The following ERC1 variants were observed in gnomAD, a reference collection of about 807,000 sequenced individuals.
The protein encoded by ERC1 is RAB6 interacting protein 2.
ERC1 carries 56 observed loss-of-function variants against 132.0 expected under a neutral mutation model. The ratio of observed to expected loss-of-function variants is 0.42; its 90% CI spans 0.34 to 0.53. ERC1 has a LOEUF of 0.53. ERC1 is among the 20% of genes least tolerant of loss of function. The pLI is 0.03. For missense variants in ERC1, 1,202 were observed against 1,349.9 expected (o/e 0.89, Z 1.72); for synonymous variants, 478 against 476.1 (o/e 1.00, Z -0.05).
At chr12:1,093,959 A>ATATATATATATATATATATATATATG (rs1943630766) in intron 3 of ERC1, among the ~76,000 whole-genome samples, 3 of 109,664 alleles carry the variant, frequency 2.7e-5, no homozygotes, top group Non-Finnish European at 5.7e-5. Flanking sequence ...ATATTTTTCT[A>ATATATATATATATATATATATATATG]TATATATATA....
At chr12:1,045,500 A>G (rs796952529) in intron 2 of ERC1, among the ~76,000 whole-genome samples, 11 of 152,222 alleles carry the variant, frequency 7.2e-5, no homozygotes, top group African/African-American at 2.6e-4. Flanking sequence ...TTATTATAGA[A>G]CATTTATAGA....
intron 18 of ERC1, among the ~76,000 whole-genome samples, chr12:1,453,036 G>A (rs908356774): frequency 6.6e-5 from 10 of 152,126 alleles, no homozygotes; most frequent in African/African-American, 1.4e-4. Flanking sequence ...TGCCTGCACC[G>A]CAGAGGGCCT....
At chr12:1,090,845 A>G (rs61919991) in intron 3 of ERC1, among the ~76,000 whole-genome samples, 333 of 9,132 alleles carry the variant, frequency 0.036, 75 homozygotes, top group Middle Eastern at 0.25. Context: ...TATTATTATT[A>G]TTGTTGTTGT....
intron 2 of ERC1, among the ~76,000 whole-genome samples, chr12:1,049,094 TA>T (rs906129682): frequency 6.6e-6 from 1 of 152,244 alleles, no homozygotes; most frequent in African/African-American, 2.4e-5. Flanking sequence ...TTTGGTTTTT[TA>T]AAAAAACCTG....
intron 16 of ERC1, among the ~76,000 whole-genome samples, chr12:1,406,423 C>G (rs774969996): frequency 6.6e-6 from 1 of 151,840 alleles, no homozygotes; most frequent in Non-Finnish European, 1.5e-5. Context: ...CATATTCTAC[C>G]AGGTATGAAA....
At chr12:1,298,292 A>G (rs992064674) in intron 15 of ERC1, among the ~76,000 whole-genome samples, 3 of 152,158 alleles carry the variant, frequency 2.0e-5, no homozygotes, top group African/African-American at 7.2e-5. Flanking sequence ...CTGTAATCCC[A>G]GCACTTTGGG....
chr12:1,479,052 T>A (rs569993606), intron 18 of ERC1, among the ~76,000 whole-genome samples: 2 of 152,332 alleles, frequency 1.3e-5, no homozygotes, highest in Non-Finnish European at 1.5e-5. Flanking sequence ...GCCCCACCAT[T>A]TATCAGAAAG....
intron 15 of ERC1, among the ~76,000 whole-genome samples, chr12:1,307,601 G>A (rs549782917): frequency 4.6e-5 from 7 of 152,284 alleles, no homozygotes; most frequent in African/African-American, 1.4e-4. Flanking sequence ...TTCCAGAGCT[G>A]TGTTTGGTTT....
intron 15 of ERC1, among the ~76,000 whole-genome samples, chr12:1,319,783 A>G (rs1427165774): frequency 6.6e-6 from 1 of 152,204 alleles, no homozygotes; most frequent in African/African-American, 2.4e-5. Flanking sequence ...GTTTTGGACC[A>G]TCACAAAAAT....
intron 15 of ERC1, among the ~76,000 whole-genome samples, chr12:1,355,941 T>C (rs1197457476): frequency 2.0e-5 from 3 of 152,072 alleles, no homozygotes; most frequent in Admixed American, 6.6e-5. Context: ...TGCGGTGGCT[T>C]ACACCTGTAG....
chr12:1,038,131 G>A (rs1239503749), intron 2 of ERC1, among the ~76,000 whole-genome samples: 1 of 152,062 alleles, frequency 6.6e-6, no homozygotes, highest in Non-Finnish European at 1.5e-5. Flanking sequence ...CACTAGAAGT[G>A]GTCACTGGGA....
Position 1,173,549 on chromosome 12 carries a change from T to G in ERC1, c.1738-6991T>G, listed in dbSNP as rs183053413. On this transcript the variant is annotated intron_variant, in intron 8 of 18. Transcript: ENST00000360905. Reference sequence around the variant, plus strand: ...CTAGTATGTGCATAATGGATCCAGTTTTTCTCTTGGCTGTTCAAAGCTTCT... The same window carrying G: ...CTAGTATGTGCATAATGGATCCAGTGTTTCTCTTGGCTGTTCAAAGCTTCT... 8.5e-5 allele frequency among the ~76,000 whole-genome samples: 13 copies of G among 152,334 alleles called. No individual in the cohort carries two copies. The East Asian group carries it at 1.7e-3, about 20-fold the overall frequency.
intron 2 of ERC1, among the ~76,000 whole-genome samples, chr12:1,081,569 C>A (rs1942200638): frequency 1.3e-5 from 2 of 152,132 alleles, no homozygotes; most frequent in Admixed American, 6.5e-5. Flanking sequence ...ACTCTGTGAT[C>A]TTGGACAAGT....
rs2094329512 is a variant in ERC1, at chr12:1,492,892, T to C, written c.*2662T>C. Reference sequence around the variant, plus strand: ...TTGTCATTCCATGCCCCTCTCCTAGTGGTCATGGTTTCATATGGGCATACA... The same window carrying C: ...TTGTCATTCCATGCCCCTCTCCTAGCGGTCATGGTTTCATATGGGCATACA... On this transcript the variant is annotated 3_prime_UTR_variant, in exon 19 of 19. Transcript: ENST00000360905. 1 of 229,442 alleles carries C rather than the reference T, an allele frequency of 4.4e-6. No individual in the cohort carries two copies. The highest frequency in any genetic ancestry group is 8.6e-6 in the Non-Finnish European group (1 of 115,766). The allele number at this position is 229,442 out of a possible 1,614,324, so 14.2% of individuals were successfully genotyped here.
intron 2 of ERC1, among the ~76,000 whole-genome samples, chr12:1,043,996 G>T (rs534983405): frequency 6.6e-6 from 1 of 151,616 alleles, no homozygotes; most frequent in African/African-American, 2.4e-5. Context: ...TTTTGAAACC[G>T]TATGTGGGAG....
At chr12:1,140,843 G>T (rs920979813) in intron 7 of ERC1, among the ~76,000 whole-genome samples, 1 of 152,098 alleles carries the variant, frequency 6.6e-6, no homozygotes, top group East Asian at 1.9e-4. Context: ...ATATAAAATA[G>T]CTCATTAATA....
intron 13 of ERC1, among the ~76,000 whole-genome samples, chr12:1,251,119 T>A (rs1345905234): frequency 6.6e-6 from 1 of 152,156 alleles, no homozygotes; most frequent in Non-Finnish European, 1.5e-5. Context: ...GATAAGAGAT[T>A]TTTTTTCCTT....
At position 1,480,857 on chromosome 12, in the gene ERC1, C is replaced by A. The variant is rs1186884902; in HGVS notation, c.3214-9236C>A. 7.1e-6 allele frequency: 5 copies of A among 702,436 alleles called. No individual in the cohort carries two copies. The East Asian group carries it at 1.3e-4, about 19-fold the overall frequency. The allele number at this position is 702,436 out of a possible 1,614,324, so 43.5% of individuals were successfully genotyped here. A position where few individuals can be genotyped will look rare whatever the true frequency, so the allele number is the denominator to read the frequency against. On this transcript the variant is annotated intron_variant, in intron 18 of 18. Transcript: ENST00000360905. The stretch of plus-strand genomic sequence containing the variant: ...CTTATCCACAGAATCCGTTGCATCC[C>A]AAAGCCATGGAAAAACTGCCTTTTT...
chr12:1,372,117 T>G (rs1409570288), intron 16 of ERC1, 140 bp downstream of exon 16: 1 of 1,086,446 alleles, frequency 9.2e-7, no homozygotes, highest in African/African-American at 1.6e-5. Flanking sequence ...TTTCCATCAT[T>G]AGAGACTTTT....
Sources: allele counts gnomAD v4.1 joint callset (sites outside exome capture counted in the v4.1 genomes callset), GRCh38; gene constraint gnomAD v4.1.1; transcripts MANE v1.5; gene names NCBI Gene and HGNC (gene_info 2026-07-23, HGNC 2026-07-21).